Variants in RASA1 observed in about 807,000 individuals in gnomAD.
RASA1 encodes the protein RAS p21 protein activator 1.
RASA1 carries 25 observed loss-of-function variants against 132.2 expected under a neutral mutation model. The observed-to-expected ratio is 0.19, with a 90% CI of 0.14 to 0.26. The LOEUF is 0.26. RASA1 is among the 10% of genes least tolerant of loss of function. The pLI is 1.00. For synonymous variants in RASA1, 477 were observed against 449.9 expected (o/e 1.06, Z -0.76); for missense variants, 964 against 1,299.2 (o/e 0.74, Z 3.97).
intron 1 of RASA1, among the ~76,000 whole-genome samples, chr5:87,273,485 T>C (rs1472455052): frequency 9.2e-5 from 14 of 152,106 alleles, no homozygotes. Context: ...TCATTTTTTT[T>C]CTTCTGCAGG....
At chr5:87,310,177 A>G (rs761342339) in intron 1 of RASA1, among the ~76,000 whole-genome samples, 5 of 152,166 alleles carry the variant, frequency 3.3e-5, no homozygotes, top group Non-Finnish European at 5.9e-5. Flanking sequence ...TTTAAGTTAT[A>G]TGTAAGACAT....
At chr5:87,368,860 G>A (rs1760724031) in intron 11 of RASA1, among the ~76,000 whole-genome samples, 1 of 152,084 alleles carries the variant, frequency 6.6e-6, no homozygotes, top group Non-Finnish European at 1.5e-5. Context: ...TGCTTTGGTT[G>A]TTCTCCAGTG....
intron 1 of RASA1, among the ~76,000 whole-genome samples, chr5:87,278,909 CTTTTTT>C (rs58122450): frequency 0.045 from 3,768 of 84,088 alleles, 99 homozygotes; most frequent in African/African-American, 0.1. Context: ...CTAATTTGTT[CTTTTTT>C]TTTTTTTTTT....
At chr5:87,355,248 T>C (rs1759563534) in intron 9 of RASA1, among the ~76,000 whole-genome samples, 1 of 152,204 alleles carries the variant, frequency 6.6e-6, no homozygotes, top group African/African-American at 2.4e-5. Context: ...GAGTTAATGC[T>C]TGGCTTCGAA....
At chr5:87,272,997 A>C (rs1273423481) in intron 1 of RASA1, among the ~76,000 whole-genome samples, 1 of 152,186 alleles carries the variant, frequency 6.6e-6, no homozygotes, top group Non-Finnish European at 1.5e-5. Context: ...TATGGATAGC[A>C]TGGTATTAAG....
chr5:87,321,867 A>C (rs1756841478), intron 1 of RASA1, among the ~76,000 whole-genome samples: 1 of 152,250 alleles, frequency 6.6e-6, no homozygotes, highest in Non-Finnish European at 1.5e-5. Flanking sequence ...ATTATGACCC[A>C]CAGTCAGAAA....
intron 1 of RASA1, among the ~76,000 whole-genome samples, chr5:87,314,195 TAAAA>T (rs1386913380): frequency 6.6e-6 from 1 of 151,900 alleles, no homozygotes; most frequent in Admixed American, 6.6e-5. Context: ...AAATAAAAAA[TAAAA>T]AAATAAAGAA....
intron 1 of RASA1, among the ~76,000 whole-genome samples, chr5:87,301,242 G>A (rs1755348296): frequency 6.6e-6 from 1 of 152,106 alleles, no homozygotes; most frequent in Non-Finnish European, 1.5e-5. Context: ...TAATATATAT[G>A]CACATACTAA....
At chr5:87,311,462 G>A (rs541971089) in intron 1 of RASA1, among the ~76,000 whole-genome samples, 12 of 152,286 alleles carry the variant, frequency 7.9e-5, no homozygotes, top group African/African-American at 2.9e-4. Context: ...ACAGAACATG[G>A]CAAAACTGTT....
chr5:87,360,132 T>G (rs1344334832), intron 9 of RASA1, among the ~76,000 whole-genome samples: 2 of 151,720 alleles, frequency 1.3e-5, no homozygotes, highest in Admixed American at 6.6e-5. Context: ...CAGTTTTTTT[T>G]TTTTTTTTTG....
chr5:87,306,607 T>G (rs1755624190), intron 1 of RASA1, among the ~76,000 whole-genome samples: 1 of 151,976 alleles, frequency 6.6e-6, no homozygotes, highest in Non-Finnish European at 1.5e-5. Flanking sequence ...ACCCCTGAAC[T>G]TAAAAGTTGA....
At chr5:87,385,716 T>C (rs79626695) in intron 22 of RASA1, among the ~76,000 whole-genome samples, 2,407 of 152,148 alleles carry the variant, frequency 0.016, 72 homozygotes, top group African/African-American at 0.055. Flanking sequence ...TCACTGTAAA[T>C]GTTAAAACTC....
intron 1 of RASA1, among the ~76,000 whole-genome samples, chr5:87,311,559 A>G (rs1755913939): frequency 6.6e-6 from 1 of 152,252 alleles, no homozygotes; most frequent in Admixed American, 6.5e-5. Flanking sequence ...AGAGTCCAGC[A>G]GAGATTAGAT....
chr5:87,297,682 C>T (rs1053032760), intron 1 of RASA1, among the ~76,000 whole-genome samples: 3 of 152,132 alleles, frequency 2.0e-5, no homozygotes, highest in Admixed American at 1.3e-4. Flanking sequence ...ATTGCTCTGG[C>T]GTATTTCAAA....
chr5:87,390,661 G>C lies in RASA1; in HGVS notation c.3061-139G>C, dbSNP rs576160249. ...ACTCAGCCAATGACTGAATAATAGA[G>C]ACTTATGTTTTGAGGGGAATTGTGG... On this transcript the variant is annotated intron_variant, in intron 24 of 24. Transcript: ENST00000274376. 2.1e-4 allele frequency: 155 copies of C among 738,224 alleles called. 3 individuals are homozygous for C. The South Asian group carries it at 2.3e-3, about 11-fold the overall frequency. The allele number at this position is 738,224 out of a possible 1,614,324, so 45.7% of individuals were successfully genotyped here. A position where few individuals can be genotyped will look rare whatever the true frequency, so the allele number is the denominator to read the frequency against.
intron 1 of RASA1, among the ~76,000 whole-genome samples, chr5:87,271,578 G>A (rs1419175946): frequency 6.8e-6 from 1 of 146,966 alleles, no homozygotes; most frequent in Non-Finnish European, 1.5e-5. Flanking sequence ...CCGCCTTCAG[G>A]TTCAAGCGAT....
intron 23 of RASA1, 122 bp downstream of exon 23, chr5:87,387,025 C>T: frequency 1.1e-6 from 1 of 910,378 alleles, no homozygotes; most frequent in Admixed American, 2.5e-5. Context: ...AAAAAGCCTG[C>T]AAATTTTTGT....
intron 1 of RASA1, among the ~76,000 whole-genome samples, chr5:87,324,771 G>T (rs1163877147): frequency 2.0e-5 from 3 of 151,844 alleles, no homozygotes; most frequent in Non-Finnish European, 4.4e-5. Flanking sequence ...TGTGTAGTTG[G>T]TCTAAGGGGT....
chr5:87,336,563 A>G (rs978416147), intron 4 of RASA1, among the ~76,000 whole-genome samples: 2 of 152,124 alleles, frequency 1.3e-5, no homozygotes, highest in Admixed American at 6.5e-5. Context: ...ATATAGAATG[A>G]GTTATGATTA....
Sources: gnomAD v4.1 joint callset for allele counts (sites outside exome capture counted in the v4.1 genomes callset) on GRCh38, gnomAD v4.1.1 for gene constraint, MANE v1.5 for transcripts, NCBI Gene and HGNC (gene_info 2026-07-23, HGNC 2026-07-21) for gene names.